The following HECTD2 variants were observed in gnomAD, a reference collection of about 807,000 sequenced individuals.
HECTD2 encodes the protein HECT domain E3 ubiquitin protein ligase 2, also known as probable E3 ubiquitin-protein ligase HECTD2.
A neutral mutation model predicts 103.2 loss-of-function variants in HECTD2; 35 were observed. The ratio of observed to expected loss-of-function variants is 0.34; its 90% CI spans 0.26 to 0.45. The LOEUF (loss-of-function observed/expected upper bound fraction) is 0.45. Among genes scored for constraint, HECTD2 ranks in the 20% least tolerant of loss-of-function variants. The pLI is 1.00. For missense variants in HECTD2, 596 were observed against 937.4 expected (o/e 0.64, Z 4.76); for synonymous variants, 281 against 329.9 (o/e 0.85, Z 1.61).
chr10:91,410,475 C>A lies in HECTD2; in HGVS notation c.37C>A (p.Pro13Thr), dbSNP rs1319115481. 6.8e-7 allele frequency: 1 copy of A among 1,466,994 alleles called. No homozygotes were observed. Among genetic ancestry groups the A allele is most frequent in the South Asian group, 1.3e-5 (1 of 76,972 alleles). The allele number at this position is 1,466,994 out of a possible 1,614,324, so 90.9% of individuals were successfully genotyped here. Reference sequence around the variant, plus strand: ...GGTTCGGGTACCCTCGCCCGCCACTCCGCTGGTGGTGGCGGCGCCCGCGCC... The same window carrying A: ...GGTTCGGGTACCCTCGCCCGCCACTACGCTGGTGGTGGCGGCGCCCGCGCC... ...EAVRVPSPAT[P>T]LVVAAPAPEE... The change falls in exon 1 of 21, where the codon CCG (proline) becomes ACG (threonine). Residue 13 changes from proline (P) to threonine (T), a missense_variant. Pro to Thr is a conservative substitution (Grantham distance 38). This residue lies in a region of HECTD2 where 220 missense variants were observed against 233.9 expected (regional missense o/e 0.94). Coordinates refer to ENST00000298068, the MANE Select transcript of HECTD2 (RefSeq NM_182765.6).
chr10:91,478,064 C>T (rs909723827), intron 5 of HECTD2, 137 bp from the exon 6 acceptor site: 1 of 599,888 alleles, frequency 1.7e-6, no homozygotes, highest in African/African-American at 1.9e-5. Flanking sequence ...AATGTAAAAT[C>T]AGTACTACTA....
In HECTD2 at chr10:91,462,163, G is replaced by T. The variant is rs2133206438; in HGVS notation, c.579G>T (p.Val193=). 6.3e-7 allele frequency: 1 copy of T among 1,586,372 alleles called. No homozygotes were observed. Among genetic ancestry groups the T allele is most frequent in the Non-Finnish European group, 8.6e-7 (1 of 1,157,166 alleles). The change falls in exon 5 of 21, where the codon GTG becomes GTT. Residue 193 remains valine, a synonymous_variant. Coordinates refer to ENST00000298068, the MANE Select transcript of HECTD2 (RefSeq NM_182765.6). ...SGINAKFVNA[V]YDTLLNTPQD... ...TTAATGCTAAATTTGTGAATGCTGT[G>T]TATGATACCTTACTTAATACTGTAA...
At chr10:91,410,213 C>T (rs940745447), upstream of HECTD2, 1 of 151,650 alleles carries the variant, frequency 6.6e-6, no homozygotes, top group African/African-American at 2.4e-5. Flanking sequence ...GAGCAAGAAA[C>T]CTGTGGGACC....
At chr10:91,497,165 G>A (rs1321145598) in intron 15 of HECTD2, among the ~76,000 whole-genome samples, 29 of 144,798 alleles carry the variant, frequency 2.0e-4, no homozygotes, top group Middle Eastern at 7.2e-3. Flanking sequence ...TAGCAGAGAC[G>A]GGGTTTTGCC....
intron 8 of HECTD2, chr10:91,484,072 A>G: frequency 2.5e-6 from 1 of 393,996 alleles, no homozygotes; most frequent in South Asian, 4.1e-5. Flanking sequence ...TTGCAAAGAG[A>G]GAGTATTGAG....
chr10:91,495,464 T>C (rs1846632178), intron 14 of HECTD2, among the ~76,000 whole-genome samples: 1 of 152,086 alleles, frequency 6.6e-6, no homozygotes, highest in African/African-American at 2.4e-5. Context: ...CTCATATGTT[T>C]AGATTTCCTT....
chr10:91,456,337 A>C (rs1845090957), intron 2 of HECTD2, among the ~76,000 whole-genome samples: 1 of 152,124 alleles, frequency 6.6e-6, no homozygotes, highest in Non-Finnish European at 1.5e-5. Flanking sequence ...CTTTGAAGCA[A>C]TTGTGAATGG....
chr10:91,505,751 C>G (rs1460655521), intron 20 of HECTD2, among the ~76,000 whole-genome samples: 4 of 151,548 alleles, frequency 2.6e-5, no homozygotes, highest in African/African-American at 4.9e-5. Context: ...AGGAATTGAA[C>G]TCAGCTCCAC....
At chr10:91,433,556 A>G (rs1843988113) in intron 2 of HECTD2, among the ~76,000 whole-genome samples, 1 of 151,964 alleles carries the variant, frequency 6.6e-6, no homozygotes, top group South Asian at 2.1e-4. Flanking sequence ...ATTTGTATTG[A>G]AGTAAGTAAA....
Position 91,498,200 on chromosome 10 carries a change from T to C in HECTD2, c.1755+18T>C. On this transcript the variant is annotated intron_variant, in intron 16 of 20. Transcript: ENST00000298068. ...CATTTCAGGTACTATTAAGGGCAAG[T>C]AGTTATCTGTTAATCATATATTTCA... 1 of 1,508,666 alleles carries C rather than the reference T, an allele frequency of 6.6e-7. No individual in the cohort carries two copies. Among genetic ancestry groups the C allele is most frequent in the Non-Finnish European group, 9.2e-7 (1 of 1,084,502 alleles). 93.5% of individuals were successfully genotyped at this position (1,508,666 alleles called of 1,614,324 possible).
In HECTD2 at chr10:91,491,181, T is replaced by A. The variant is rs1413880009; in HGVS notation, c.1192-19T>A. Reference sequence around the variant, plus strand: ...TAGTCTAAGTAAAAGCAAAACTGTTTACTTTCTTATTTAATCAGCAAAGTC... The same window carrying A: ...TAGTCTAAGTAAAAGCAAAACTGTTAACTTTCTTATTTAATCAGCAAAGTC... On this transcript the variant is annotated intron_variant, in intron 11 of 20. Coordinates refer to ENST00000298068, the MANE Select transcript of HECTD2 (RefSeq NM_182765.6). 40 of 1,286,376 alleles carry A rather than the reference T, an allele frequency of 3.1e-5. No homozygotes were observed. The highest frequency in any genetic ancestry group is 4.5e-5 in the Non-Finnish European group (40 of 889,386). 79.7% of individuals were successfully genotyped at this position (1,286,376 alleles called of 1,614,324 possible).
chr10:91,480,641 G>A (rs905987291), intron 6 of HECTD2, among the ~76,000 whole-genome samples: 2 of 151,990 alleles, frequency 1.3e-5, no homozygotes, highest in African/African-American at 4.8e-5. Context: ...CTTTCTGTTA[G>A]AAGCATACTG....
rs148927756 is a variant in HECTD2 at position 91,475,679 on chromosome 10, G to A, written c.601-2522G>A. The stretch of plus-strand genomic sequence containing the variant: ...AGCTAGAAGATGGCCCAAACGAGAT[G>A]TTTTAAATAAAGTCAATACATCAGT... On this transcript the variant is annotated intron_variant, in intron 5 of 20. Coordinates refer to ENST00000298068, the MANE Select transcript of HECTD2 (RefSeq NM_182765.6). Among the ~76,000 whole-genome samples the A allele has an allele frequency of 8.1e-3, 1,232 of 152,328 alleles. 6 individuals are homozygous for A. The highest frequency in any genetic ancestry group is 0.017 in the Middle Eastern group (5 of 294).
At chr10:91,483,099 G>C in intron 8 of HECTD2, 23 bp downstream of exon 8, 2 of 1,078,272 alleles carry the variant, frequency 1.9e-6, no homozygotes, top group East Asian at 4.8e-5. Flanking sequence ...ATGATATTAA[G>C]AACTTTTATA....
Position 91,499,075 on chromosome 10 carries a change from G to A in HECTD2, c.1875G>A (p.Leu625=), listed in dbSNP as rs917514607. 6.2e-7 allele frequency: 1 copy of A among 1,612,628 alleles called. No homozygotes were observed. The highest frequency in any genetic ancestry group is 1.3e-5 in the African/African-American group (1 of 74,864). ...TACAGCTTTATACTGACTTCCTTCT[G>A]AACAAATCCATCTATAAGCAGTTTG... The part of the protein sequence containing the change: ...EYVQLYTDFL[L]NKSIYKQFAA... The change falls in exon 18 of 21, where the codon CTG becomes CTA. Residue 625 remains leucine (L), a synonymous_variant. Coordinates refer to ENST00000298068, the MANE Select transcript of HECTD2 (RefSeq NM_182765.6).
intron 2 of HECTD2, among the ~76,000 whole-genome samples, chr10:91,434,509 G>A (rs1844030013): frequency 6.6e-6 from 1 of 152,000 alleles, no homozygotes; most frequent in Non-Finnish European, 1.5e-5. Flanking sequence ...TTTATAGAAT[G>A]AGGAAATTGG....
chr10:91,512,509 T>TAAG lies in HECTD2; in HGVS notation c.*125_*126insAAG. 1 of 915,626 alleles carries TAAG rather than the reference T, an allele frequency of 1.1e-6. No individual in the cohort carries two copies. Among genetic ancestry groups the TAAG allele is most frequent in the Non-Finnish European group, 1.6e-6 (1 of 619,576 alleles). The allele number at this position is 915,626 out of a possible 1,614,324, so 56.7% of individuals were successfully genotyped here. On this transcript the variant is annotated 3_prime_UTR_variant, in exon 21 of 21. Coordinates refer to ENST00000298068, the MANE Select transcript of HECTD2 (RefSeq NM_182765.6). ...AGCTCACCAACTTTAAAATATTAAG[T>TAAG]TTTTAAAAAATCAAATATGAAGTAT...
intron 2 of HECTD2, among the ~76,000 whole-genome samples, chr10:91,449,551 A>C (rs573563594): frequency 6.6e-6 from 1 of 152,300 alleles, no homozygotes; most frequent in South Asian, 2.1e-4. Context: ...CAGGGCAATC[A>C]GGCAAGTGAG....
At chr10:91,486,911 C>A (rs182387140) in intron 10 of HECTD2, 67 of 152,194 alleles carry the variant, frequency 4.4e-4, no homozygotes, top group African/African-American at 1.5e-3. Flanking sequence ...AGTTGTACCA[C>A]CTGACTATGC....
Sources: gnomAD v4.1 joint callset for allele counts (sites outside exome capture counted in the v4.1 genomes callset) on GRCh38, gnomAD v4.1.1 for gene constraint, gnomAD v4.1.1 regional missense constraint, MANE v1.5 for transcripts, NCBI Gene and HGNC (gene_info 2026-07-23, HGNC 2026-07-21) for gene names.